Variants in XIRP2 observed in about 807,000 individuals in gnomAD.
XIRP2 encodes the protein xin actin binding repeat containing 2.
A neutral mutation model predicts 277.0 loss-of-function variants in XIRP2; 236 were observed. That is an observed-to-expected ratio of 0.85 (90% CI 0.77 to 0.95). The LOEUF (loss-of-function observed/expected upper bound fraction) is 0.95, where lower values mean the gene tolerates loss of function less well. XIRP2 is among the 40% of genes least tolerant of loss of function. The pLI is 0.00. For missense variants in XIRP2, 4,640 were observed against 4,157.5 expected (o/e 1.12, Z -3.19); for synonymous variants, 1,490 against 1,416.5 (o/e 1.05, Z -1.17).
At position 167,259,169 on chromosome 2, in the gene XIRP2, G is replaced by C; in HGVS notation, c.*1352G>C. On this transcript the variant is annotated 3_prime_UTR_variant, in exon 11 of 11. Transcript: ENST00000409195. ...AAATATGCCATGCTTGGATTTAAGG[G>C]AATTTGGAAAGGATGTTAAACCTTG... 1 of 1,613,296 alleles carries C rather than the reference G, an allele frequency of 6.2e-7. No homozygotes were observed. Among genetic ancestry groups the C allele is most frequent in the Non-Finnish European group, 8.5e-7 (1 of 1,179,632 alleles).
chr2:167,198,117 CTAAT>C (rs1249668373), intron 3 of XIRP2, among the ~76,000 whole-genome samples: 2 of 152,146 alleles, frequency 1.3e-5, no homozygotes, highest in Non-Finnish European at 2.9e-5. Flanking sequence ...ACGATACTGA[CTAAT>C]TATACACTCC....
chr2:167,214,089 AGAAAGAAGGAAGGAAG>A (rs1694147018), intron 4 of XIRP2, among the ~76,000 whole-genome samples: 3 of 81,166 alleles, frequency 3.7e-5, no homozygotes, highest in Admixed American at 1.3e-4. Flanking sequence ...GAAGGAAGAA[AGAAAGAAGGAAGGAAG>A]GAAGGAAGGA....
At chr2:167,141,283 A>T (rs1181434363) in intron 3 of XIRP2, among the ~76,000 whole-genome samples, 1 of 152,180 alleles carries the variant, frequency 6.6e-6, no homozygotes, top group Non-Finnish European at 1.5e-5. Flanking sequence ...TTGCCCATTC[A>T]TCTGTTCATT....
chr2:167,018,996 A>G (rs921787477), intron 2 of XIRP2, among the ~76,000 whole-genome samples: 1 of 151,936 alleles, frequency 6.6e-6, no homozygotes, highest in Non-Finnish European at 1.5e-5. Flanking sequence ...CCACAGTTAT[A>G]AGGATATAGT....
chr2:167,108,377 G>A (rs539131211), intron 2 of XIRP2, among the ~76,000 whole-genome samples: 78 of 151,882 alleles, frequency 5.1e-4, no homozygotes, highest in Admixed American at 2.2e-3. Flanking sequence ...ATTTGTGCTG[G>A]ATTTATTATG....
At chr2:167,032,670 A>T (rs1399463015) in intron 2 of XIRP2, among the ~76,000 whole-genome samples, 1 of 152,206 alleles carries the variant, frequency 6.6e-6, no homozygotes, top group African/African-American at 2.4e-5. Context: ...TAAGACATTT[A>T]TGCAGCCAAA....
Position 167,248,487 on chromosome 2 carries a change from G to T in XIRP2, c.7095G>T (p.Pro2365=), listed in dbSNP as rs149765008. The part of the protein sequence containing the change: ...SERESSSMFL[P]PPPPPTPSQK... ...GAGAAAGTTCATCGATGTTTCTGCCGCCTCCTCCTCCTCCAACTCCATCTC... is the reference window on the plus strand; with the variant it reads ...GAGAAAGTTCATCGATGTTTCTGCCTCCTCCTCCTCCTCCAACTCCATCTC... Residue 2365 remains proline (P), a synonymous_variant, in exon 9 of 11, where the codon CCG becomes CCT. Coordinates refer to ENST00000409195, the MANE Select transcript of XIRP2 (RefSeq NM_152381.6). The T allele has an allele frequency of 5.6e-6, 9 of 1,613,332 alleles. No homozygotes were observed. Among genetic ancestry groups the T allele is most frequent in the East Asian group, 2.2e-5 (1 of 44,844 alleles).
At chr2:167,087,231 G>A (rs1013613140) in intron 2 of XIRP2, among the ~76,000 whole-genome samples, 3 of 152,212 alleles carry the variant, frequency 2.0e-5, no homozygotes, top group African/African-American at 7.2e-5. Flanking sequence ...CCCTGCTGGG[G>A]GATGCCTCCC....
In XIRP2 at chr2:167,245,601, A is replaced by G. The variant is rs1361255162; in HGVS notation, c.4209A>G (p.Ser1403=). ...CACTGGATCAGATTTCTGAAGAATC[A>G]CATAATATTATGCCCAGTATTGACC... ...TQPLDQISEE[S]HNIMPSIDHI... The change falls in exon 9 of 11, where the codon TCA becomes TCG. Residue 1403 remains serine (S), a synonymous_variant. Coordinates refer to ENST00000409195, the MANE Select transcript of XIRP2 (RefSeq NM_152381.6). The G allele has an allele frequency of 1.9e-6, 3 of 1,613,730 alleles. No individual in the cohort carries two copies. Among genetic ancestry groups the G allele is most frequent in the Non-Finnish European group, 2.5e-6 (3 of 1,179,736 alleles).
intron 3 of XIRP2, among the ~76,000 whole-genome samples, chr2:167,191,918 T>G (rs1693351388): frequency 6.6e-6 from 1 of 152,208 alleles, no homozygotes; most frequent in Non-Finnish European, 1.5e-5. Flanking sequence ...CAAAAGAGTT[T>G]ATTGTGGGAA....
At chr2:167,025,009 G>T (rs371239577) in intron 2 of XIRP2, among the ~76,000 whole-genome samples, 1 of 152,018 alleles carries the variant, frequency 6.6e-6, no homozygotes, top group African/African-American at 2.4e-5. Context: ...CTATTGATTG[G>T]AATAGTTTCA....
chr2:167,242,780 C>G lies in XIRP2; in HGVS notation c.1388C>G (p.Ser463Ter). 4.3e-6 allele frequency: 7 copies of G among 1,614,058 alleles called. No individual in the cohort carries two copies. The highest frequency in any genetic ancestry group is 5.9e-6 in the Non-Finnish European group (7 of 1,179,928). Residue 463 changes from serine to a stop codon, truncating the protein, a stop_gained, in exon 9 of 11, where the codon TCA becomes TGA. Coordinates refer to ENST00000409195, the MANE Select transcript of XIRP2 (RefSeq NM_152381.6). LOFTEE classifies it high-confidence loss of function. ...CCCCCACCTGACGTACTTCAAACTT[C>G]AGTAGATGTGACAGCATTTTCCCAG... ...PPPPPDVLQT[S>*]VDVTAFSQSP...
At chr2:166,909,042 A>G (rs1684622111) in intron 2 of XIRP2, among the ~76,000 whole-genome samples, 1 of 152,154 alleles carries the variant, frequency 6.6e-6, no homozygotes, top group Non-Finnish European at 1.5e-5. Flanking sequence ...GTTTGAAGTC[A>G]GGTAGCGTGA....
chr2:167,017,855 C>T (rs1687874346), intron 2 of XIRP2, among the ~76,000 whole-genome samples: 1 of 151,934 alleles, frequency 6.6e-6, no homozygotes. Context: ...TCCAGATGTC[C>T]CAGCCCATAT....
At chr2:167,135,855 A>T in intron 2 of XIRP2, 54 bp from the exon 3 acceptor site, 1 of 1,452,590 alleles carries the variant, frequency 6.9e-7, no homozygotes, top group South Asian at 1.6e-5. Flanking sequence ...TAAAAAACAC[A>T]TCTGTTTCCT....
chr2:167,259,416 T>A lies in XIRP2; in HGVS notation c.*1599T>A. The A allele has an allele frequency of 6.7e-7, 1 of 1,496,514 alleles. No individual in the cohort carries two copies. Among genetic ancestry groups the A allele is most frequent in the Non-Finnish European group, 8.9e-7 (1 of 1,120,500 alleles). 92.7% of individuals were successfully genotyped at this position (1,496,514 alleles called of 1,614,324 possible). On this transcript the variant is annotated 3_prime_UTR_variant, in exon 11 of 11. Coordinates refer to ENST00000409195, the MANE Select transcript of XIRP2 (RefSeq NM_152381.6). ...CTTAGGCACTGAGAGATATTGATGT[T>A]CTGAAATAAGATTTTATGAATTTGG...
chr2:167,241,517 T>C (rs1388977863), intron 7 of XIRP2, among the ~76,000 whole-genome samples: 1 of 152,168 alleles, frequency 6.6e-6, no homozygotes, highest in Admixed American at 6.5e-5. Flanking sequence ...GCTTGTACCT[T>C]GAATCTTTTT....
chr2:167,201,242 GAAAGAAAGAAAGAAAGAA>G (rs1559018308), intron 3 of XIRP2, among the ~76,000 whole-genome samples: 29 of 98,850 alleles, frequency 2.9e-4, no homozygotes, highest in African/African-American at 1.9e-3. Flanking sequence ...AAGAAAGAAA[GAAAGAAAGAAAGAAAGAA>G]AGAGAGAGGG....
chr2:166,941,482 G>A (rs1685715956), intron 2 of XIRP2, among the ~76,000 whole-genome samples: 1 of 152,206 alleles, frequency 6.6e-6, no homozygotes, highest in African/African-American at 2.4e-5. Flanking sequence ...GCCCCAGTGA[G>A]ATGAACCCAG....
Sources: gnomAD v4.1 joint callset for allele counts (sites outside exome capture counted in the v4.1 genomes callset) on GRCh38, gnomAD v4.1.1 for gene constraint, MANE v1.5 for transcripts, NCBI Gene and HGNC (gene_info 2026-07-23, HGNC 2026-07-21) for gene names.